The following SEMA3E variants were observed in gnomAD, a reference collection of about 807,000 sequenced individuals.
The protein encoded by SEMA3E is semaphorin-3E.
SEMA3E carries 49 observed loss-of-function variants against 93.6 expected under a neutral mutation model. The ratio of observed to expected loss-of-function variants is 0.52; its 90% CI spans 0.42 to 0.66. The LOEUF is 0.66. Ranked by LOEUF, SEMA3E falls within the 30% of genes least tolerant of loss-of-function variation. The probability of loss-of-function intolerance (pLI) is 0.00; values close to 1 mark genes in which losing one functional copy is unlikely to be tolerated. For missense variants in SEMA3E, 906 were observed against 964.8 expected (o/e 0.94, Z 0.81); for synonymous variants, 363 against 330.7 (o/e 1.10, Z -1.06).
intron 1 of SEMA3E, among the ~76,000 whole-genome samples, chr7:83,577,491 T>C (rs1270673426): frequency 9.2e-5 from 14 of 152,154 alleles, no homozygotes; most frequent in Non-Finnish European, 1.5e-5. Flanking sequence ...GTCTTGCGAG[T>C]AGCCATTTCA....
At chr7:83,369,664 G>T (rs766240728) in intron 16 of SEMA3E, among the ~76,000 whole-genome samples, 1 of 152,096 alleles carries the variant, frequency 6.6e-6, no homozygotes, top group Non-Finnish European at 1.5e-5. Flanking sequence ...GAACCAAGAA[G>T]ACCCTCAAAG....
In SEMA3E at chr7:83,639,079, C is replaced by T. The variant is rs891883310; in HGVS notation, c.115+9349G>A. ...TGAGCCGAGATCCCGCCACTGCACT[C>T]CAGCCTGGGCGACAGAGCGAGACTC... On this transcript the variant is annotated intron_variant, in intron 1 of 16. Coordinates refer to ENST00000643230, the MANE Select transcript of SEMA3E (RefSeq NM_012431.3). 7.0e-5 allele frequency among the ~76,000 whole-genome samples: 9 copies of T among 129,056 alleles called. No homozygotes were observed. In the East Asian group the frequency reaches 9.3e-4, roughly 13 times the overall value. The allele number at this position is 129,056 out of a possible 152,430, so 84.7% of individuals were successfully genotyped here.
intron 3 of SEMA3E, among the ~76,000 whole-genome samples, chr7:83,468,034 T>A (rs1789810440): frequency 6.6e-6 from 1 of 152,206 alleles, no homozygotes; most frequent in Non-Finnish European, 1.5e-5. Flanking sequence ...TAGTGCCCAG[T>A]ATTACTTGAA....
At chr7:83,633,659 A>G (rs1322447015) in intron 1 of SEMA3E, among the ~76,000 whole-genome samples, 1 of 152,228 alleles carries the variant, frequency 6.6e-6, no homozygotes, top group Non-Finnish European at 1.5e-5. Context: ...AAGTAAGCCA[A>G]TCTCAGCTGT....
intron 1 of SEMA3E, among the ~76,000 whole-genome samples, chr7:83,566,961 T>G (rs925043801): frequency 1.3e-5 from 2 of 152,178 alleles, no homozygotes; most frequent in Non-Finnish European, 2.9e-5. Context: ...ATACAAGTTT[T>G]CCACCTAAAA....
chr7:83,388,650 A>T (rs1188822325), intron 14 of SEMA3E, among the ~76,000 whole-genome samples: 1 of 152,090 alleles, frequency 6.6e-6, no homozygotes, highest in Non-Finnish European at 1.5e-5. Flanking sequence ...CTTTAACCAT[A>T]TGCAATGATG....
chr7:83,416,963 CT>C (rs1035192184), intron 5 of SEMA3E, among the ~76,000 whole-genome samples: 2 of 146,146 alleles, frequency 1.4e-5, no homozygotes, highest in Non-Finnish European at 3.0e-5. Flanking sequence ...TAAAGTCTTC[CT>C]TTTTTTAATA....
At position 83,402,742 on chromosome 7, in the gene SEMA3E, G is replaced by A. The variant is rs1356720454; in HGVS notation, c.1033C>T (p.His345Tyr). The A allele has an allele frequency of 1.9e-6, 3 of 1,612,738 alleles. No homozygotes were observed. In the South Asian group the frequency reaches 3.3e-5, roughly 18 times the overall value. The change falls in exon 10 of 17, where the codon CAC (histidine) becomes TAC (tyrosine). Residue 345 changes from histidine to tyrosine, a missense_variant. Physicochemically the swap from His to Tyr is moderately conservative, Grantham distance 83. Coordinates refer to ENST00000643230, the MANE Select transcript of SEMA3E (RefSeq NM_012431.3). The part of the protein sequence containing the change: ...IFRGHAICVY[H>Y]MSSIRAAFNG... ...AAGGCTGCCCGAATGCTAGACATGT[G>A]ATAGACACATATAGCATGCCCTCGA...
chr7:83,547,598 G>T (rs544498951), intron 1 of SEMA3E, among the ~76,000 whole-genome samples: 8 of 152,192 alleles, frequency 5.3e-5, no homozygotes, highest in Non-Finnish European at 1.2e-4. Flanking sequence ...TGGTATAACT[G>T]CCACCAAAAT....
At chr7:83,487,718 T>TGTGTGTGTGTGTGTGTG (rs1554331945) in intron 2 of SEMA3E, among the ~76,000 whole-genome samples, 1 of 149,114 alleles carries the variant, frequency 6.7e-6, no homozygotes, top group African/African-American at 2.5e-5. Flanking sequence ...TGTGTGTGTA[T>TGTGTGTGTGTGTGTGTG]TTTATATATA....
chr7:83,534,127 T>C (rs1172906647), intron 1 of SEMA3E, among the ~76,000 whole-genome samples: 1 of 152,174 alleles, frequency 6.6e-6, no homozygotes, highest in Non-Finnish European at 1.5e-5. Context: ...CACTTAGCAA[T>C]CAGTATACAC....
At chr7:83,481,132 C>T (rs1790136999) in intron 2 of SEMA3E, among the ~76,000 whole-genome samples, 2 of 151,828 alleles carry the variant, frequency 1.3e-5, no homozygotes, top group Admixed American at 6.6e-5. Flanking sequence ...CTTATAAACA[C>T]TTTTTTTTAA....
intron 1 of SEMA3E, among the ~76,000 whole-genome samples, chr7:83,617,126 G>A (rs929842117): frequency 6.6e-6 from 1 of 151,926 alleles, no homozygotes; most frequent in African/African-American, 2.4e-5. Context: ...AAAACACAAA[G>A]TGAAAAATGT....
intron 1 of SEMA3E, among the ~76,000 whole-genome samples, chr7:83,579,968 G>A (rs1414657622): frequency 1.3e-5 from 2 of 151,972 alleles, no homozygotes; most frequent in Non-Finnish European, 2.9e-5. Flanking sequence ...CATGGCAAAT[G>A]TTCTTGCTTT....
intron 1 of SEMA3E, among the ~76,000 whole-genome samples, chr7:83,566,045 G>A (rs1034300395): frequency 1.6e-5 from 1 of 61,336 alleles, no homozygotes; most frequent in Non-Finnish European, 3.3e-5. Flanking sequence ...TGCCCAGGCT[G>A]GAGTGCAGTG....
chr7:83,598,672 A>G (rs534944692), intron 1 of SEMA3E, among the ~76,000 whole-genome samples: 2 of 152,306 alleles, frequency 1.3e-5, no homozygotes, highest in South Asian at 4.1e-4. Context: ...AACTGGGAGA[A>G]GTCCAATCTT....
chr7:83,648,803 G>A lies in SEMA3E; in HGVS notation c.-261C>T. ...AGTCTTCAGAGCCATGTCCTGTCTA[G>A]AGCGCTCTTCAGCAACTACGCCGGT... On this transcript the variant is annotated 5_prime_UTR_variant, in exon 1 of 17. Coordinates refer to ENST00000643230, the MANE Select transcript of SEMA3E (RefSeq NM_012431.3). The A allele has an allele frequency of 4.3e-6, 2 of 469,102 alleles. No individual in the cohort carries two copies. Among genetic ancestry groups the A allele is most frequent in the East Asian group, 7.7e-5 (2 of 26,000 alleles). 29.1% of individuals were successfully genotyped at this position (469,102 alleles called of 1,614,324 possible). A position where few individuals can be genotyped will look rare whatever the true frequency, so the allele number is the denominator to read the frequency against.
At chr7:83,401,917 A>G (rs1788240567) in intron 10 of SEMA3E, among the ~76,000 whole-genome samples, 1 of 152,058 alleles carries the variant, frequency 6.6e-6, no homozygotes, top group South Asian at 2.1e-4. Context: ...GATGAATGAT[A>G]CAAAATCATC....
rs993401132 is a variant in SEMA3E at position 83,364,752 on chromosome 7, G to A, written c.*2834C>T. On this transcript the variant is annotated 3_prime_UTR_variant, in exon 17 of 17. Coordinates refer to ENST00000643230, the MANE Select transcript of SEMA3E (RefSeq NM_012431.3). The stretch of plus-strand genomic sequence containing the variant: ...CTAAAGAAGCAGGAGACCGGCCCTC[G>A]ATGGAGGTGCCTCTTAGAAATTAGA... 2.0e-5 allele frequency: 3 copies of A among 152,294 alleles called. No homozygotes were observed. Among genetic ancestry groups the A allele is most frequent in the South Asian group, 2.1e-4 (1 of 4,830 alleles). The allele number at this position is 152,294 out of a possible 1,614,324, so 9.4% of individuals were successfully genotyped here.
Sources: gnomAD v4.1 joint callset for allele counts (sites outside exome capture counted in the v4.1 genomes callset) on GRCh38, gnomAD v4.1.1 for gene constraint, MANE v1.5 for transcripts, NCBI Gene and HGNC (gene_info 2026-07-23, HGNC 2026-07-21) for gene names.